The following FOXR1 variants were observed in gnomAD, a reference collection of about 807,000 sequenced individuals.
The protein encoded by FOXR1 is forkhead box R1.
FOXR1 carries 25 observed loss-of-function variants against 34.5 expected under a neutral mutation model. The observed-to-expected ratio is 0.72, with a 90% CI of 0.53 to 1.01. FOXR1 has a LOEUF of 1.01. FOXR1 is among the 50% of genes least tolerant of loss of function. The pLI is 0.00. For synonymous variants in FOXR1, 153 were observed against 141.6 expected (o/e 1.08, Z -0.57); for missense variants, 373 against 376.2 (o/e 0.99, Z 0.07).
At chr11:118,972,408 C>T (rs1044382771) in intron 1 of FOXR1, among the ~76,000 whole-genome samples, 1 of 152,002 alleles carries the variant, frequency 6.6e-6, no homozygotes, top group South Asian at 2.1e-4. Flanking sequence ...AAAAAACAGG[C>T]CTCATCGTTT....
At chr11:118,976,343 C>T (rs748400882) in intron 1 of FOXR1, among the ~76,000 whole-genome samples, 8 of 152,208 alleles carry the variant, frequency 5.3e-5, no homozygotes, top group Non-Finnish European at 8.8e-5. Flanking sequence ...TACAGGCTCA[C>T]GCCACCACAC....
intron 2 of FOXR1, 33 bp downstream of exon 2, chr11:118,978,889 G>T: frequency 3.7e-6 from 6 of 1,614,200 alleles, no homozygotes; most frequent in Non-Finnish European, 5.1e-6. Context: ...TGTTTCTGTG[G>T]CCTGGGCTGG....
intron 1 of FOXR1, among the ~76,000 whole-genome samples, chr11:118,974,529 T>C (rs1941755757): frequency 1.3e-5 from 2 of 152,200 alleles, no homozygotes; most frequent in South Asian, 4.1e-4. Flanking sequence ...GTTGCCTAGG[T>C]GCCTGTGTTT....
chr11:118,973,239 G>C (rs1472521684), intron 1 of FOXR1, among the ~76,000 whole-genome samples: 1 of 152,108 alleles, frequency 6.6e-6, no homozygotes, highest in African/African-American at 2.4e-5. Flanking sequence ...GATACACAGT[G>C]AATAGAACAG....
chr11:118,981,193 C>T lies in FOXR1; in HGVS notation c.851-15C>T. 1 of 1,614,054 alleles carries T rather than the reference C, an allele frequency of 6.2e-7. No homozygotes were observed. Among genetic ancestry groups the T allele is most frequent in the Middle Eastern group, 1.6e-4 (1 of 6,062 alleles). On this transcript the variant is annotated splice_polypyrimidine_tract_variant and intron_variant, in intron 5 of 5. Coordinates refer to ENST00000317011, the MANE Select transcript of FOXR1 (RefSeq NM_181721.3). ...TGTGAAGTATAAACTCCTGAACTCT[C>T]TCCTTTTCTTACAGATGTGATGCCC...
Position 118,980,663 on chromosome 11 carries a change from CGGA to C in FOXR1, c.791_793del (p.Glu264del), listed in dbSNP as rs1941848717. The C allele has an allele frequency of 6.2e-7, 1 of 1,613,112 alleles. No individual in the cohort carries two copies. The highest frequency in any genetic ancestry group is 1.7e-5 in the Admixed American group (1 of 60,010). ...ACCGAGGAGGGACACCGCCGCTTTG[CGGA>C]GGAGGCCCGCGCCTTGGCTTCCACT... is the stretch of plus-strand genomic sequence containing the variant. On this transcript the variant is annotated inframe_deletion, in exon 5 of 6. Coordinates refer to ENST00000317011, the MANE Select transcript of FOXR1 (RefSeq NM_181721.3).
Position 118,971,872 on chromosome 11 carries a change from C to G in FOXR1, c.-60C>G. The stretch of plus-strand genomic sequence containing the variant: ...AGCCCCGAAGGTGGACGTGAAGCTC[C>G]AACACCTCGACTTCTGGGCCCGCCT... On this transcript the variant is annotated 5_prime_UTR_variant, in exon 1 of 6. Coordinates refer to ENST00000317011, the MANE Select transcript of FOXR1 (RefSeq NM_181721.3). 1 of 1,532,886 alleles carries G rather than the reference C, an allele frequency of 6.5e-7. No individual in the cohort carries two copies. The highest frequency in any genetic ancestry group is 8.8e-7 in the Non-Finnish European group (1 of 1,131,080). The allele number at this position is 1,532,886 out of a possible 1,614,324, so 95.0% of individuals were successfully genotyped here.
intron 1 of FOXR1, among the ~76,000 whole-genome samples, chr11:118,976,036 T>C (rs563085955): frequency 1.4e-3 from 209 of 152,278 alleles, no homozygotes; most frequent in Non-Finnish European, 2.5e-3. Context: ...TAGTTGGGGT[T>C]GAGGGAGTTA....
At chr11:118,977,897 G>A (rs979998511) in intron 1 of FOXR1, among the ~76,000 whole-genome samples, 2 of 152,042 alleles carry the variant, frequency 1.3e-5, no homozygotes, top group African/African-American at 2.4e-5. Context: ...GACCAGCCCA[G>A]GCAACATAGA....
chr11:118,974,577 A>G (rs1941756387), intron 1 of FOXR1, among the ~76,000 whole-genome samples: 1 of 152,200 alleles, frequency 6.6e-6, no homozygotes, highest in South Asian at 2.1e-4. Flanking sequence ...GAAATTTTTA[A>G]TAATTTTTCA....
rs1352584502 is a variant in FOXR1 at position 118,979,257 on chromosome 11, G to T, written c.384+53G>T. On this transcript the variant is annotated intron_variant, in intron 3 of 5. Transcript: ENST00000317011. Reference sequence around the variant, plus strand: ...ACTTGGGCAGTAGGCGAGGGGCATGGGGAAGAGCCATTACAGTTCTGCTCT... The same window carrying T: ...ACTTGGGCAGTAGGCGAGGGGCATGTGGAAGAGCCATTACAGTTCTGCTCT... 2.7e-6 allele frequency: 4 copies of T among 1,504,606 alleles called. No individual in the cohort carries two copies. The African/African-American group carries it at 4.2e-5, about 16-fold the overall frequency. The allele number at this position is 1,504,606 out of a possible 1,614,324, so 93.2% of individuals were successfully genotyped here. A position where few individuals can be genotyped will look rare whatever the true frequency, so the allele number is the denominator to read the frequency against.
At position 118,980,641 on chromosome 11, in the gene FOXR1, G is replaced by A. The variant is rs782102014; in HGVS notation, c.763G>A (p.Glu255Lys). ...TCGATCTTGCCTCTGGAAGTTGACC[G>A]AGGAGGGACACCGCCGCTTTGCGGA... ...RPRSCLWKLT[E>K]EGHRRFAEEA... The change falls in exon 5 of 6, where the codon GAG becomes AAG. Residue 255 changes from glutamate (E) to lysine (K), a missense_variant. Glu to Lys is a moderately conservative substitution (Grantham distance 56). Coordinates refer to ENST00000317011, the MANE Select transcript of FOXR1 (RefSeq NM_181721.3). 2.6e-5 allele frequency: 42 copies of A among 1,614,028 alleles called. No individual in the cohort carries two copies. Among genetic ancestry groups the A allele is most frequent in the African/African-American group, 6.7e-5 (5 of 74,958 alleles).
intron 1 of FOXR1, among the ~76,000 whole-genome samples, chr11:118,975,340 G>A (rs1246585656): frequency 6.6e-6 from 1 of 152,024 alleles, no homozygotes; most frequent in African/African-American, 2.4e-5. Flanking sequence ...GGGTTTAAGA[G>A]TAGAAGGAGG....
At chr11:118,976,524 A>C (rs1380773704) in intron 1 of FOXR1, among the ~76,000 whole-genome samples, 1 of 152,238 alleles carries the variant, frequency 6.6e-6, no homozygotes, top group African/African-American at 2.4e-5. Flanking sequence ...TTAAGGCAGG[A>C]GTAGTGTTGG....
rs1422695229 is a variant in FOXR1 at position 118,971,863 on chromosome 11, G to C, written c.-69G>C. 3 of 1,510,580 alleles carry C rather than the reference G, an allele frequency of 2.0e-6. No individual in the cohort carries two copies. Among genetic ancestry groups the C allele is most frequent in the Non-Finnish European group, 2.7e-6 (3 of 1,111,524 alleles). The allele number at this position is 1,510,580 out of a possible 1,614,324, so 93.6% of individuals were successfully genotyped here. On this transcript the variant is annotated 5_prime_UTR_variant, in exon 1 of 6. Transcript: ENST00000317011. ...GCCTCTGCCAGCCCCGAAGGTGGAC[G>C]TGAAGCTCCAACACCTCGACTTCTG...
chr11:118,978,066 A>C (rs2024063153), intron 1 of FOXR1, among the ~76,000 whole-genome samples: 1 of 152,084 alleles, frequency 6.6e-6, no homozygotes, highest in Non-Finnish European at 1.5e-5. Flanking sequence ...AAAAATACAA[A>C]AATTAGCCGG....
chr11:118,971,929 G>T lies in FOXR1; in HGVS notation c.-3G>T, dbSNP rs1309278804. ...CCAGGTCCCGGGACTGCTGGACTGG[G>T]ACATGGGGAACGAGCTCTTTCTGGC... is the stretch of plus-strand genomic sequence containing the variant. On this transcript the variant is annotated 5_prime_UTR_variant, in exon 1 of 6. Coordinates refer to ENST00000317011, the MANE Select transcript of FOXR1 (RefSeq NM_181721.3). 9 of 1,556,110 alleles carry T rather than the reference G, an allele frequency of 5.8e-6. No homozygotes were observed. The highest frequency in any genetic ancestry group is 7.8e-6 in the Non-Finnish European group (9 of 1,149,242).
At chr11:118,972,686 G>A (rs1452711466) in intron 1 of FOXR1, among the ~76,000 whole-genome samples, 2 of 151,268 alleles carry the variant, frequency 1.3e-5, no homozygotes, top group Non-Finnish European at 2.9e-5. Flanking sequence ...GCAGTGGCGC[G>A]ATCTCGGCTC....
intron 2 of FOXR1, 47 bp from the exon 3 acceptor site, chr11:118,978,910 C>A (rs782648153): frequency 2.5e-6 from 4 of 1,613,964 alleles, no homozygotes; most frequent in Non-Finnish European, 3.4e-6. Context: ...AGACCAGGGG[C>A]ACCCAAAGCC....
Sources: gnomAD v4.1 joint callset for allele counts (sites outside exome capture counted in the v4.1 genomes callset) on GRCh38, gnomAD v4.1.1 for gene constraint, MANE v1.5 for transcripts, NCBI Gene and HGNC (gene_info 2026-07-23, HGNC 2026-07-21) for gene names.